The following PIK3CB variants were observed in gnomAD, a reference collection of about 807,000 sequenced individuals.
The protein encoded by PIK3CB is phosphatidylinositol-4,5-bisphosphate 3-kinase catalytic subunit beta.
In PIK3CB, 39 loss-of-function variants were observed where a neutral mutation model predicts 136.8. That is an observed-to-expected ratio of 0.29 (90% CI 0.22 to 0.37). The LOEUF is 0.37. PIK3CB is among the 10% of genes least tolerant of loss of function. The pLI is 1.00. For missense variants in PIK3CB, 868 were observed against 1,275.4 expected (o/e 0.68, Z 4.87); for synonymous variants, 428 against 436.6 (o/e 0.98, Z 0.25).
chr3:138,723,173 T>C (rs1451985301), intron 8 of PIK3CB, among the ~76,000 whole-genome samples: 1 of 152,204 alleles, frequency 6.6e-6, no homozygotes, highest in Non-Finnish European at 1.5e-5. Context: ...TGAAATTTTA[T>C]AAAAATTGTC....
At chr3:138,829,738 G>C (rs1195774591) in intron 1 of PIK3CB, among the ~76,000 whole-genome samples, 1 of 152,108 alleles carries the variant, frequency 6.6e-6, no homozygotes, top group Admixed American at 6.6e-5. Flanking sequence ...AGTGAGCCGA[G>C]ATTGCGCCAC....
intron 8 of PIK3CB, among the ~76,000 whole-genome samples, chr3:138,717,873 T>C (rs1414023469): frequency 5.3e-5 from 8 of 152,190 alleles, no homozygotes; most frequent in Non-Finnish European, 8.8e-5. Flanking sequence ...TCTCATTCTT[T>C]TTTATGGCTG....
intron 13 of PIK3CB, among the ~76,000 whole-genome samples, chr3:138,697,421 GATTTATTTATTT>G (rs61693073): frequency 6.0e-5 from 9 of 150,780 alleles, no homozygotes; most frequent in South Asian, 2.1e-4. Context: ...TGTCTCCAAA[GATTTATTTATTT>G]ATTTATTTAT....
At chr3:138,708,377 T>C (rs1326761560) in intron 10 of PIK3CB, among the ~76,000 whole-genome samples, 6 of 150,862 alleles carry the variant, frequency 4.0e-5, no homozygotes, top group African/African-American at 1.5e-4. Context: ...CCTCCCACCT[T>C]AGCCTCCTGA....
At chr3:138,661,382 T>A (rs1447494965) in intron 21 of PIK3CB, among the ~76,000 whole-genome samples, 1 of 152,198 alleles carries the variant, frequency 6.6e-6, no homozygotes, top group East Asian at 1.9e-4. Context: ...GCGTACCCCT[T>A]TACAAGTACT....
At chr3:138,830,178 G>T (rs912052050) in intron 1 of PIK3CB, among the ~76,000 whole-genome samples, 1 of 152,116 alleles carries the variant, frequency 6.6e-6, no homozygotes, top group African/African-American at 2.4e-5. Flanking sequence ...TATCCTAGAA[G>T]GTTCCTTTAC....
intron 14 of PIK3CB, among the ~76,000 whole-genome samples, chr3:138,692,415 C>A (rs538814122): frequency 6.6e-6 from 1 of 152,348 alleles, no homozygotes; most frequent in East Asian, 1.9e-4. Flanking sequence ...ACACTTGGCT[C>A]AGCCCAAGGA....
At chr3:138,757,377 C>G (rs183907451) in intron 3 of PIK3CB, among the ~76,000 whole-genome samples, 1 of 151,646 alleles carries the variant, frequency 6.6e-6, no homozygotes, top group African/African-American at 2.4e-5. Context: ...GCCCTCCAGT[C>G]TGGCGACAGA....
intron 1 of PIK3CB, among the ~76,000 whole-genome samples, chr3:138,811,553 G>C (rs62282169): frequency 0.42 from 63,546 of 151,166 alleles, 14,162 homozygotes; most frequent in Middle Eastern, 0.52. Context: ...AGCCTCCTGA[G>C]TAGCTGAGAT....
intron 13 of PIK3CB, 86 bp from the exon 14 acceptor site, chr3:138,694,993 T>A: frequency 1.5e-6 from 2 of 1,320,148 alleles, no homozygotes; most frequent in African/African-American, 3.0e-5. Flanking sequence ...CCAAGATAGG[T>A]CAAAAGAAGG....
chr3:138,816,767 T>C (rs1933352407), intron 1 of PIK3CB, among the ~76,000 whole-genome samples: 1 of 152,116 alleles, frequency 6.6e-6, no homozygotes, highest in African/African-American at 2.4e-5. Flanking sequence ...ATTCACCTCA[T>C]TTGGGTGAGC....
At chr3:138,716,209 C>G (rs1454165341) in intron 8 of PIK3CB, among the ~76,000 whole-genome samples, 2 of 152,128 alleles carry the variant, frequency 1.3e-5, no homozygotes, top group African/African-American at 4.8e-5. Context: ...TATCTGAACA[C>G]ATGACCTAAT....
chr3:138,812,994 C>T (rs1045022565), intron 1 of PIK3CB, among the ~76,000 whole-genome samples: 3 of 152,120 alleles, frequency 2.0e-5, no homozygotes, highest in South Asian at 2.1e-4. Context: ...AAGTCAGTTT[C>T]GTGGCTGTGG....
chr3:138,690,679 C>T (rs2043988538), intron 15 of PIK3CB, among the ~76,000 whole-genome samples: 2 of 141,478 alleles, frequency 1.4e-5, no homozygotes, highest in Non-Finnish European at 1.5e-5. Context: ...AATAGCAATA[C>T]ATTATTAATT....
chr3:138,697,590 G>A (rs2044165342), intron 13 of PIK3CB, among the ~76,000 whole-genome samples: 1 of 152,062 alleles, frequency 6.6e-6, no homozygotes, highest in African/African-American at 2.4e-5. Flanking sequence ...GCACCACCAT[G>A]TCTGGTTAAT....
chr3:138,679,567 TTTA>T (rs1303004092), intron 19 of PIK3CB, among the ~76,000 whole-genome samples: 1 of 151,868 alleles, frequency 6.6e-6, no homozygotes. Flanking sequence ...ATATTTCCAT[TTTA>T]AAAGTTAAGA....
rs534880141 is a variant in PIK3CB, at chr3:138,667,999, C to T, written c.2505-2796G>A. On this transcript the variant is annotated intron_variant, in intron 19 of 23. Coordinates refer to ENST00000674063, the MANE Select transcript of PIK3CB (RefSeq NM_006219.3). ...AGGAGAATTGCTTGAACCCAGGAGG[C>T]GGAGGTTACAGCGAGCTGAGATTGC... Among the ~76,000 whole-genome samples the T allele has an allele frequency of 4.6e-5, 7 of 151,710 alleles. No individual in the cohort carries two copies. The South Asian group carries it at 6.2e-4, about 14-fold the overall frequency.
chr3:138,749,936 T>A (rs552284043), intron 4 of PIK3CB, among the ~76,000 whole-genome samples: 17 of 152,202 alleles, frequency 1.1e-4, no homozygotes, highest in Non-Finnish European at 2.1e-4. Flanking sequence ...TGCAGTGGCA[T>A]GATCACAGCT....
chr3:138,759,950 C>G (rs1224381546), intron 2 of PIK3CB, among the ~76,000 whole-genome samples: 1 of 150,700 alleles, frequency 6.6e-6, no homozygotes, highest in East Asian at 1.9e-4. Flanking sequence ...GAGATGGAGT[C>G]TCTCTCTGTT....
Sources: allele counts gnomAD v4.1 joint callset (sites outside exome capture counted in the v4.1 genomes callset), GRCh38; gene constraint gnomAD v4.1.1; transcripts MANE v1.5; gene names NCBI Gene and HGNC (gene_info 2026-07-23, HGNC 2026-07-21).